Variants in EFHD1 observed in about 807,000 individuals in gnomAD.
EFHD1 encodes the protein EF-hand domain family member D1.
A neutral mutation model predicts 17.2 loss-of-function variants in EFHD1; 10 were observed. The observed-to-expected ratio is 0.58, with a 90% CI of 0.36 to 0.99. EFHD1 has a LOEUF of 0.99. Among genes scored for constraint, EFHD1 ranks in the 50% least tolerant of loss-of-function variants. EFHD1 has a pLI of 0.01. For synonymous variants in EFHD1, 153 were observed against 142.0 expected (o/e 1.08, Z -0.55); for missense variants, 310 against 327.5 (o/e 0.95, Z 0.41).
At chr2:232,648,601 A>C (rs1404281225) in intron 1 of EFHD1, among the ~76,000 whole-genome samples, 2 of 152,084 alleles carry the variant, frequency 1.3e-5, no homozygotes, top group African/African-American at 4.8e-5. Flanking sequence ...GGGTAACCCC[A>C]GGAGGGCCCC....
chr2:232,644,088 A>C (rs1457121498), intron 1 of EFHD1, among the ~76,000 whole-genome samples: 1 of 152,100 alleles, frequency 6.6e-6, no homozygotes, highest in East Asian at 1.9e-4. Context: ...GACCGCTCCC[A>C]GGCCAGCTTT....
At chr2:232,673,858 G>A (rs60521843) in intron 3 of EFHD1, among the ~76,000 whole-genome samples, 202 of 150,482 alleles carry the variant, frequency 1.3e-3, no homozygotes, top group African/African-American at 4.8e-3. Context: ...AACTAACTAT[G>A]CACATTTTAT....
At chr2:232,619,110 G>A (rs1265903171) in intron 1 of EFHD1, among the ~76,000 whole-genome samples, 6 of 150,714 alleles carry the variant, frequency 4.0e-5, no homozygotes, top group Admixed American at 1.3e-4. Context: ...CCGAGATCGC[G>A]CCATTGCACT....
intron 2 of EFHD1, among the ~76,000 whole-genome samples, chr2:232,671,558 T>A (rs1281548029): frequency 6.8e-6 from 1 of 146,836 alleles, no homozygotes; most frequent in African/African-American, 2.5e-5. Flanking sequence ...AAACCCCGTC[T>A]CTACTAAAAT....
At chr2:232,632,493 T>G (rs536891566), upstream of EFHD1, among the ~76,000 whole-genome samples, 2 of 152,348 alleles carry the variant, frequency 1.3e-5, no homozygotes, top group South Asian at 2.1e-4. Flanking sequence ...CTGGCTGATG[T>G]AACAGCGGCA....
In EFHD1 at chr2:232,665,687, G is replaced by C. The variant is rs562945337; in HGVS notation, c.450+2738G>C. Among the ~76,000 whole-genome samples the C allele has an allele frequency of 2.6e-5, 4 of 152,308 alleles. No homozygotes were observed. The East Asian group carries it at 7.7e-4, about 29-fold the overall frequency. On this transcript the variant is annotated intron_variant, in intron 2 of 3. Coordinates refer to ENST00000264059, the MANE Select transcript of EFHD1 (RefSeq NM_025202.4). ...TCCACCTGCTTTGGCCTCCCAAAGT[G>C]CTGGGAATATAGGCGTGAGCCACTG...
At chr2:232,627,677 T>C (rs901168832) in intron 1 of EFHD1, among the ~76,000 whole-genome samples, 1 of 152,026 alleles carries the variant, frequency 6.6e-6, no homozygotes, top group African/African-American at 2.4e-5. Context: ...GTAGAAGACA[T>C]TTGCAAAAGA....
intron 2 of EFHD1, among the ~76,000 whole-genome samples, chr2:232,666,487 C>T (rs921444978): frequency 3.3e-5 from 5 of 152,180 alleles, no homozygotes; most frequent in Non-Finnish European, 5.9e-5. Context: ...GAGGGTGTTT[C>T]GTGGCTTGCA....
At chr2:232,608,323 T>C (rs1334090312) in intron 1 of EFHD1, among the ~76,000 whole-genome samples, 2 of 152,184 alleles carry the variant, frequency 1.3e-5, no homozygotes, top group East Asian at 3.9e-4. Context: ...TGAGTCAAGA[T>C]TGGGTCACTG....
At chr2:232,609,794 T>A (rs1413346494) in intron 1 of EFHD1, among the ~76,000 whole-genome samples, 1 of 152,208 alleles carries the variant, frequency 6.6e-6, no homozygotes, top group East Asian at 1.9e-4. Flanking sequence ...TGGCCTTACC[T>A]TTTGGCACAC....
intron 1 of EFHD1, among the ~76,000 whole-genome samples, chr2:232,621,292 C>T (rs1694013073): frequency 6.6e-6 from 1 of 152,082 alleles, no homozygotes; most frequent in Non-Finnish European, 1.5e-5. Flanking sequence ...GTGGCTGGAA[C>T]CAATTTCCCC....
At chr2:232,645,995 TG>T (rs1694519536) in intron 1 of EFHD1, among the ~76,000 whole-genome samples, 1 of 152,172 alleles carries the variant, frequency 6.6e-6, no homozygotes, top group Non-Finnish European at 1.5e-5. Context: ...GGCAGGGCCT[TG>T]GCTGGCACAG....
chr2:232,643,587 T>C (rs926994617), intron 1 of EFHD1, among the ~76,000 whole-genome samples: 5 of 151,774 alleles, frequency 3.3e-5, no homozygotes, highest in African/African-American at 1.2e-4. Flanking sequence ...AGTTTCACCA[T>C]GTTGCTGAGG....
chr2:232,613,768 A>T (rs867668712), intron 1 of EFHD1, among the ~76,000 whole-genome samples: 1 of 151,054 alleles, frequency 6.6e-6, no homozygotes, highest in East Asian at 1.9e-4. Flanking sequence ...GCACACACAT[A>T]CACACACAAA....
At chr2:232,636,231 C>T (rs532231844) in intron 1 of EFHD1, among the ~76,000 whole-genome samples, 1 of 152,334 alleles carries the variant, frequency 6.6e-6, no homozygotes, top group South Asian at 2.1e-4. Flanking sequence ...TTACTCATGG[C>T]AGCAGCAGTC....
At chr2:232,662,688 G>A (rs1383437547) in intron 1 of EFHD1, 114 bp from the exon 2 acceptor site, 9 of 1,420,678 alleles carry the variant, frequency 6.3e-6, no homozygotes, top group East Asian at 5.4e-5. Flanking sequence ...CATTGGCCTC[G>A]CAGAGCGGGA....
chr2:232,613,813 C>G (rs1693861745), intron 1 of EFHD1, among the ~76,000 whole-genome samples: 1 of 149,868 alleles, frequency 6.7e-6, no homozygotes, highest in African/African-American at 2.5e-5. Flanking sequence ...AATATACACA[C>G]ATATACACAC....
At chr2:232,661,398 A>G (rs1694865066) in intron 1 of EFHD1, among the ~76,000 whole-genome samples, 1 of 152,100 alleles carries the variant, frequency 6.6e-6, no homozygotes, top group Admixed American at 6.6e-5. Context: ...CAGAAGTGGC[A>G]CCATACAGCA....
intron 1 of EFHD1, among the ~76,000 whole-genome samples, chr2:232,658,497 G>T (rs1420437679): frequency 6.6e-6 from 1 of 152,172 alleles, no homozygotes; most frequent in Non-Finnish European, 1.5e-5. Flanking sequence ...ATAAGCATGT[G>T]ACCCAGCATC....
Sources: gnomAD v4.1 joint callset for allele counts (sites outside exome capture counted in the v4.1 genomes callset) on GRCh38, gnomAD v4.1.1 for gene constraint, MANE v1.5 for transcripts, NCBI Gene and HGNC (gene_info 2026-07-23, HGNC 2026-07-21) for gene names.